The following LRRFIP1 variants were observed in gnomAD, a reference collection of about 807,000 sequenced individuals.
LRRFIP1 encodes LRR binding FLII interacting protein 1, also known as leucine-rich repeat flightless-interacting protein 1.
A neutral mutation model predicts 104.4 loss-of-function variants in LRRFIP1; 62 were observed. That is an observed-to-expected ratio of 0.59 (90% CI 0.48 to 0.73). LRRFIP1 has a LOEUF of 0.73. Ranked by LOEUF, LRRFIP1 falls within the 30% of genes least tolerant of loss-of-function variation. The pLI, the probability that LRRFIP1 is intolerant of heterozygous loss-of-function variation, is 0.00. For missense variants in LRRFIP1, 796 were observed against 824.5 expected (o/e 0.97, Z 0.42); for synonymous variants, 300 against 299.0 (o/e 1.00, Z -0.03).
chr2:237,685,652 G>A (rs1366224496), intron 1 of LRRFIP1, among the ~76,000 whole-genome samples: 1 of 152,146 alleles, frequency 6.6e-6, no homozygotes, highest in African/African-American at 2.4e-5. Context: ...CAAGATGCCA[G>A]TGCCTGCAGC....
At chr2:237,680,162 T>A (rs1278796398) in intron 1 of LRRFIP1, among the ~76,000 whole-genome samples, 3 of 152,004 alleles carry the variant, frequency 2.0e-5, no homozygotes, top group African/African-American at 7.3e-5. Flanking sequence ...ATTCAACCCA[T>A]CTCAAATCAA....
chr2:237,708,377 C>A (rs530276573), intron 1 of LRRFIP1, among the ~76,000 whole-genome samples, 167 bp from the exon 2 acceptor site: 3 of 152,366 alleles, frequency 2.0e-5, no homozygotes, highest in Admixed American at 2.0e-4. Context: ...GTTCTTATAA[C>A]TATTTCTATT....
chr2:237,711,208 G>A lies in LRRFIP1; in HGVS notation c.183+2578G>A, dbSNP rs142926290. Among the ~76,000 whole-genome samples, 378 of 152,332 alleles carry A rather than the reference G, an allele frequency of 2.5e-3. 1 individual carries two copies. The highest frequency in any genetic ancestry group is 8.1e-3 in the African/African-American group (338 of 41,570). ...TGCTTCTGATGAGCACAGGCCTTGCGGAGAACATCTGATGAAATCGGGAAG... is the reference window on the plus strand; with the variant it reads ...TGCTTCTGATGAGCACAGGCCTTGCAGAGAACATCTGATGAAATCGGGAAG... On this transcript the variant is annotated intron_variant, in intron 2 of 23. Coordinates refer to ENST00000308482, the MANE Select transcript of LRRFIP1 (RefSeq NM_001137550.2). This position sits in a 1 kb window ranked among gnomAD's most constrained non-coding sequence, Gnocchi z 4.4.
chr2:237,775,840 T>A (rs2061043365), intron 23 of LRRFIP1, among the ~76,000 whole-genome samples: 2 of 151,660 alleles, frequency 1.3e-5, no homozygotes, highest in South Asian at 4.2e-4. Context: ...CCGTTTTTCA[T>A]TAAAAAAAAG....
At chr2:237,714,165 C>A in intron 2 of LRRFIP1, 94 bp from the exon 3 acceptor site, 1 of 795,600 alleles carries the variant, frequency 1.3e-6, no homozygotes, top group Non-Finnish European at 2.1e-6. Context: ...TGACTTGATT[C>A]ATATGTCTAG....
intron 11 of LRRFIP1, among the ~76,000 whole-genome samples, chr2:237,745,600 C>A (rs189630318): frequency 4.6e-5 from 7 of 152,248 alleles, no homozygotes; most frequent in Admixed American, 2.6e-4. Flanking sequence ...CCCTGCCCCC[C>A]CAAAATCAAG....
chr2:237,692,122 G>GAGGGCCCC, intron 1 of LRRFIP1: 1 of 895,902 alleles, frequency 1.1e-6, no homozygotes, highest in Non-Finnish European at 1.3e-6. Context: ...GCGTAGCCGG[G>GAGGGCCCC]AGGGCCCCTC....
intron 23 of LRRFIP1, among the ~76,000 whole-genome samples, chr2:237,774,934 A>G (rs1170713851): frequency 6.6e-6 from 1 of 152,230 alleles, no homozygotes; most frequent in Non-Finnish European, 1.5e-5. Flanking sequence ...CCTGCTGGTC[A>G]CACTCCCAAA....
intron 12 of LRRFIP1, 101 bp downstream of exon 12, chr2:237,748,500 G>A (rs943328630): frequency 2.4e-5 from 27 of 1,106,862 alleles, no homozygotes; most frequent in Non-Finnish European, 3.3e-5. Flanking sequence ...GTTCCCCAGC[G>A]AGGGAACTGG....
chr2:237,680,424 A>C lies in LRRFIP1; in HGVS notation c.97-28120A>C, dbSNP rs894362514. Among the ~76,000 whole-genome samples the C allele has an allele frequency of 5.9e-5, 9 of 152,372 alleles. No individual in the cohort carries two copies. In the South Asian group the frequency reaches 1.2e-3, roughly 21 times the overall value. On this transcript the variant is annotated intron_variant, in intron 1 of 23. Transcript: ENST00000308482. ...CTTGTCATTATTCTCTAAACAATACAGTCTAACAACTATTTACATAGCATT... is the reference window on the plus strand; with the variant it reads ...CTTGTCATTATTCTCTAAACAATACCGTCTAACAACTATTTACATAGCATT...
chr2:237,686,274 G>T lies in LRRFIP1; in HGVS notation c.97-22270G>T, dbSNP rs1431621035. Among the ~76,000 whole-genome samples, 13 of 152,138 alleles carry T rather than the reference G, an allele frequency of 8.5e-5. 1 individual carries two copies. Among genetic ancestry groups the T allele is most frequent in the Admixed American group, 8.5e-4 (13 of 15,276 alleles). On this transcript the variant is annotated intron_variant, in intron 1 of 23. Transcript: ENST00000308482. ...TCACCTTCCTTAGAAAATCTAAAGA[G>T]ATTTAAAAAGCAAAAACAATAAAAG... is the stretch of plus-strand genomic sequence containing the variant.
In LRRFIP1 at chr2:237,739,205, G is replaced by A. The variant is rs372597035; in HGVS notation, c.556-27G>A. On this transcript the variant is annotated intron_variant, in intron 10 of 23. Coordinates refer to ENST00000308482, the MANE Select transcript of LRRFIP1 (RefSeq NM_001137550.2). The stretch of plus-strand genomic sequence containing the variant: ...ACCCTGTTCCTTTGTTTCTGGCTGC[G>A]TGTCCTGGCGGTGGCTGTGTGGGCA... 2,952 of 1,548,304 alleles carry A rather than the reference G, an allele frequency of 1.9e-3. 6 individuals carry two copies. Among genetic ancestry groups the A allele is most frequent in the Middle Eastern group, 3.7e-3 (22 of 5,980 alleles).
At chr2:237,638,391 T>C (rs1474440707) in intron 1 of LRRFIP1, among the ~76,000 whole-genome samples, 2 of 152,040 alleles carry the variant, frequency 1.3e-5, no homozygotes, top group Non-Finnish European at 2.9e-5. Context: ...TGATAGGGAG[T>C]GGCTGTAAAT....
At position 237,675,532 on chromosome 2, in the gene LRRFIP1, CTGAT is replaced by C. The variant is rs144904117; in HGVS notation, c.97-33010_97-33007del. Reference sequence around the variant, plus strand: ...CAGAGAGCTGAGAGCAGTTGCCAGCCTGATTAATTGCCGTTTCCTGGGCTGGGTT... The same window carrying C: ...CAGAGAGCTGAGAGCAGTTGCCAGCCTAATTGCCGTTTCCTGGGCTGGGTT... On this transcript the variant is annotated intron_variant, in intron 1 of 23. Transcript: ENST00000308482. Among the ~76,000 whole-genome samples the C allele has an allele frequency of 1.7e-3, 256 of 152,282 alleles. 3 individuals are homozygous for C. The East Asian group carries it at 0.039, about 23-fold the overall frequency.
intron 6 of LRRFIP1, chr2:237,721,033 TTTC>T (rs2094520103): frequency 1.9e-6 from 1 of 523,096 alleles, no homozygotes; most frequent in South Asian, 2.5e-5. Context: ...ACGTTGGTTG[TTTC>T]TTTCTCCCGA....
intron 1 of LRRFIP1, among the ~76,000 whole-genome samples, chr2:237,641,524 CT>C (rs1162090572): frequency 6.7e-6 from 1 of 150,030 alleles, no homozygotes; most frequent in Non-Finnish European, 1.5e-5. Flanking sequence ...AATTGTGTTC[CT>C]TTTGGTTTAA....
rs551855169 is a variant in LRRFIP1, at chr2:237,722,930, A to G, written c.346-618A>G. ...AGAGTGAGGACTGGCATCTCGCTCTATTTCTATGCGGGGCCAGTTTCTACT... is the reference window on the plus strand; with the variant it reads ...AGAGTGAGGACTGGCATCTCGCTCTGTTTCTATGCGGGGCCAGTTTCTACT... On this transcript the variant is annotated intron_variant, in intron 6 of 23. Coordinates refer to ENST00000308482, the MANE Select transcript of LRRFIP1 (RefSeq NM_001137550.2). Among the ~76,000 whole-genome samples, 60 of 152,212 alleles carry G rather than the reference A, an allele frequency of 3.9e-4. 2 individuals are homozygous for G. The South Asian group carries it at 9.3e-3, about 24-fold the overall frequency.
At chr2:237,673,959 C>G (rs1238378587) in intron 1 of LRRFIP1, among the ~76,000 whole-genome samples, 3 of 152,214 alleles carry the variant, frequency 2.0e-5, no homozygotes, top group African/African-American at 7.2e-5. Flanking sequence ...GTTTCATCCT[C>G]ACAACAACCA....
chr2:237,741,684 C>G (rs932940166), intron 11 of LRRFIP1, among the ~76,000 whole-genome samples: 1 of 151,954 alleles, frequency 6.6e-6, no homozygotes, highest in African/African-American at 2.4e-5. Flanking sequence ...AAAAATTAGC[C>G]GGGTGTAGTG....
Sources: allele counts gnomAD v4.1 joint callset (sites outside exome capture counted in the v4.1 genomes callset), GRCh38; gene constraint gnomAD v4.1.1; non-coding constraint Gnocchi (gnomAD v3.1); transcripts MANE v1.5; gene names NCBI Gene and HGNC (gene_info 2026-07-23, HGNC 2026-07-21).